SGCZ: variants seen among roughly 807,000 people sequenced by gnomAD.
SGCZ encodes the protein zeta-sarcoglycan.
Under a neutral mutation model 41.3 loss-of-function variants are expected in SGCZ, and 40 were observed. The observed-to-expected ratio is 0.97, with a 90% CI of 0.75 to 1.26. The LOEUF (loss-of-function observed/expected upper bound fraction) is 1.26, where lower values mean the gene tolerates loss of function less well. Ranked by LOEUF, SGCZ falls within the 50% of genes most tolerant of loss-of-function variation. The pLI, the probability that SGCZ is intolerant of heterozygous loss-of-function variation, is 0.00. For synonymous variants in SGCZ, 206 were observed against 137.5 expected, an observed-to-expected ratio of 1.50 and a Z score of -3.49; for missense variants, 552 against 369.8, an observed-to-expected ratio of 1.49 and a Z score of -4.04.
At chr8:15,011,716 C>A (rs919181932) in intron 1 of SGCZ, among the ~76,000 whole-genome samples, 1 of 152,122 alleles carries the variant, frequency 6.6e-6, no homozygotes, top group Admixed American at 6.6e-5. Context: ...CTGTACTCTG[C>A]TAAAAGAAAA....
At chr8:14,784,500 A>C (rs1157481581) in intron 1 of SGCZ, among the ~76,000 whole-genome samples, 1 of 152,176 alleles carries the variant, frequency 6.6e-6, no homozygotes, top group Non-Finnish European at 1.5e-5. Context: ...GCTATAACTC[A>C]TAATGGTCTC....
At chr8:15,009,504 G>C (rs1482598182) in intron 1 of SGCZ, among the ~76,000 whole-genome samples, 1 of 152,168 alleles carries the variant, frequency 6.6e-6, no homozygotes, top group Admixed American at 6.5e-5. Context: ...GACAGAGCCA[G>C]TTCAGCTTTC....
At chr8:15,083,633 T>G (rs946735647) in intron 1 of SGCZ, among the ~76,000 whole-genome samples, 34 of 152,138 alleles carry the variant, frequency 2.2e-4, no homozygotes, top group Non-Finnish European at 2.5e-4. Context: ...ACTGCAGCCT[T>G]GACCTCCCAG....
chr8:14,427,744 A>G (rs1799827875), intron 2 of SGCZ, among the ~76,000 whole-genome samples: 1 of 152,186 alleles, frequency 6.6e-6, no homozygotes, highest in African/African-American at 2.4e-5. Flanking sequence ...AAAAAGGCAA[A>G]TTAAAGAAGG....
At chr8:15,153,785 T>G (rs570190864) in intron 1 of SGCZ, among the ~76,000 whole-genome samples, 1 of 152,288 alleles carries the variant, frequency 6.6e-6, no homozygotes, top group African/African-American at 2.4e-5. Context: ...GCTTCCTGTA[T>G]AGCCTGCAGG....
chr8:15,217,717 C>T (rs1050207576), intron 1 of SGCZ, among the ~76,000 whole-genome samples: 57 of 152,320 alleles, frequency 3.7e-4, no homozygotes, highest in African/African-American at 1.3e-3. Context: ...ACTAGCCTAT[C>T]TACTTATACA....
intron 1 of SGCZ, among the ~76,000 whole-genome samples, chr8:15,146,913 T>C (rs560173041): frequency 6.6e-6 from 1 of 152,246 alleles, no homozygotes; most frequent in African/African-American, 2.4e-5. Context: ...AGAAATTCAA[T>C]TAATCATCCC....
chr8:14,605,312 G>A (rs576950873), intron 1 of SGCZ, among the ~76,000 whole-genome samples: 12 of 151,838 alleles, frequency 7.9e-5, no homozygotes, highest in South Asian at 2.1e-4. Flanking sequence ...TATGGGGTAC[G>A]TGAGATATTA....
intron 1 of SGCZ, among the ~76,000 whole-genome samples, chr8:14,955,340 C>A (rs975155463): frequency 7.9e-5 from 12 of 152,174 alleles, no homozygotes; most frequent in African/African-American, 2.7e-4. Context: ...GTTTGTCCTT[C>A]CAAACACGAC....
At chr8:14,125,700 G>A (rs144951061) in intron 5 of SGCZ, among the ~76,000 whole-genome samples, 301 of 152,176 alleles carry the variant, frequency 2.0e-3, no homozygotes, top group Non-Finnish European at 3.7e-3. Flanking sequence ...GACAAAGCTG[G>A]AGGCATCACA....
chr8:14,402,783 G>T (rs923989103), intron 2 of SGCZ, among the ~76,000 whole-genome samples: 16 of 147,770 alleles, frequency 1.1e-4, no homozygotes, highest in African/African-American at 4.0e-4. Context: ...CTCTTTTTTG[G>T]CTCCATATGA....
intron 3 of SGCZ, among the ~76,000 whole-genome samples, chr8:14,238,908 T>C (rs766611955): frequency 1.3e-5 from 2 of 152,054 alleles, no homozygotes; most frequent in African/African-American, 2.4e-5. Context: ...TGCTTTCATA[T>C]GTAAGCTATA....
chr8:14,155,298 A>C (rs1585184952), intron 5 of SGCZ, among the ~76,000 whole-genome samples: 1 of 151,966 alleles, frequency 6.6e-6, no homozygotes, highest in African/African-American at 2.4e-5. Flanking sequence ...ATAATATAGA[A>C]GTTTTTTTTC....
At chr8:14,659,535 A>G (rs1807680964) in intron 1 of SGCZ, among the ~76,000 whole-genome samples, 1 of 152,214 alleles carries the variant, frequency 6.6e-6, no homozygotes, top group African/African-American at 2.4e-5. Flanking sequence ...ACTATTCATA[A>G]TAATTTTGGT....
chr8:14,227,444 G>A (rs1806411111), intron 4 of SGCZ, among the ~76,000 whole-genome samples: 1 of 151,880 alleles, frequency 6.6e-6, no homozygotes, highest in Non-Finnish European at 1.5e-5. Flanking sequence ...AATAAGCCAT[G>A]ACAAAATGAG....
At chr8:15,061,834 C>T (rs142595797) in intron 1 of SGCZ, among the ~76,000 whole-genome samples, 7 of 152,282 alleles carry the variant, frequency 4.6e-5, no homozygotes, top group African/African-American at 1.7e-4. Context: ...ACAGCACAAT[C>T]AGACTAAGAC....
intron 4 of SGCZ, among the ~76,000 whole-genome samples, chr8:14,219,307 C>G (rs4831555): frequency 0.95 from 144,176 of 152,234 alleles, 68,348 homozygotes; most frequent in East Asian, 0.98. Flanking sequence ...TTCAATCCCG[C>G]TTAAACCACT....
chr8:14,357,577 A>G (rs1464027913), intron 2 of SGCZ, among the ~76,000 whole-genome samples: 1 of 152,092 alleles, frequency 6.6e-6, no homozygotes, highest in African/African-American at 2.4e-5. Context: ...GGCAAAAGGG[A>G]CTCGCTACCT....
chr8:15,208,323 G>C (rs1457225), intron 1 of SGCZ, among the ~76,000 whole-genome samples: 122,721 of 152,076 alleles, frequency 0.81, 49,711 homozygotes, highest in Non-Finnish European at 0.83. Flanking sequence ...TCAATGACGG[G>C]TATGATTTAA....
Sources: allele counts gnomAD v4.1 joint callset (sites outside exome capture counted in the v4.1 genomes callset), GRCh38; gene constraint gnomAD v4.1.1; transcripts MANE v1.5; gene names NCBI Gene and HGNC (gene_info 2026-07-23, HGNC 2026-07-21).